The following ABCF1 variants were observed in gnomAD, a reference collection of about 807,000 sequenced individuals.
The protein encoded by ABCF1 is ATP-binding cassette sub-family F member 1.
A neutral mutation model predicts 126.3 loss-of-function variants in ABCF1; 73 were observed. That is an observed-to-expected ratio of 0.58 (90% confidence interval 0.48 to 0.70). ABCF1 has a LOEUF of 0.70. ABCF1 is among the 30% of genes least tolerant of loss of function. The pLI, the probability that ABCF1 is intolerant of heterozygous loss-of-function variation, is 0.00. For missense variants in ABCF1, 786 were observed against 1,057.5 expected (o/e 0.74, Z 3.56); for synonymous variants, 345 against 396.4 (o/e 0.87, Z 1.54).
Position 30,571,471 on chromosome 6 carries a change from C to G in ABCF1, c.-17C>G. On this transcript the variant is annotated 5_prime_UTR_variant, in exon 1 of 25. Coordinates refer to ENST00000326195, the MANE Select transcript of ABCF1 (RefSeq NM_001025091.2). ...ATAGCACCGGGCGCCGCCACAGTAG[C>G]TGTAACTGCCACCGCGATGCCGAAG... The G allele has an allele frequency of 1.2e-6, 2 of 1,606,822 alleles. No individual in the cohort carries two copies. Among genetic ancestry groups the G allele is most frequent in the Non-Finnish European group, 1.7e-6 (2 of 1,177,532 alleles).
intron 6 of ABCF1, among the ~76,000 whole-genome samples, chr6:30,578,817 T>C (rs138722870): frequency 0.022 from 3,386 of 152,128 alleles, 93 homozygotes; most frequent in East Asian, 0.068. Flanking sequence ...CTGACCAACA[T>C]GGCGAAACCT....
chr6:30,578,320 A>T, intron 4 of ABCF1, 28 bp from the exon 5 acceptor site: 1 of 1,613,844 alleles, frequency 6.2e-7, no homozygotes, highest in Non-Finnish European at 8.5e-7. Context: ...ATTCTTTCCT[A>T]TCTCATGTTC....
At chr6:30,571,649 C>T in intron 1 of ABCF1, 89 bp downstream of exon 1, 1 of 1,402,700 alleles carries the variant, frequency 7.1e-7, no homozygotes, top group Admixed American at 2.1e-5. Context: ...GGGCACGAGA[C>T]TGACCGGGCC....
At position 30,584,054 on chromosome 6, in the gene ABCF1, G is replaced by A; in HGVS notation, c.1103-138G>A. The A allele has an allele frequency of 1.4e-6, 2 of 1,415,134 alleles. No homozygotes were observed. The highest frequency in any genetic ancestry group is 1.3e-5 in the South Asian group (1 of 75,674). 87.7% of individuals were successfully genotyped at this position (1,415,134 alleles called of 1,614,324 possible). On this transcript the variant is annotated intron_variant, in intron 12 of 24. Coordinates refer to ENST00000326195, the MANE Select transcript of ABCF1 (RefSeq NM_001025091.2). This position sits in a 1 kb window ranked among gnomAD's most constrained non-coding sequence, Gnocchi z 4.6. The stretch of plus-strand genomic sequence containing the variant: ...AAGGAAAGGAGGGGAGGGTCAATGA[G>A]GAACTTGAGAGTGTTTTATTTGGAA...
chr6:30,572,218 CAACT>C (rs1422052075), intron 1 of ABCF1, among the ~76,000 whole-genome samples: 3 of 152,146 alleles, frequency 2.0e-5, no homozygotes, highest in Non-Finnish European at 4.4e-5. Context: ...TAAATGGACA[CAACT>C]AACCCCAGTA....
intron 5 of ABCF1, 42 bp downstream of exon 5, chr6:30,578,427 C>T (rs767792358): frequency 6.2e-7 from 1 of 1,613,986 alleles, no homozygotes; most frequent in South Asian, 1.1e-5. Context: ...AAGGATGCAA[C>T]CTTGACCATC....
chr6:30,586,198 A>G lies in ABCF1; in HGVS notation c.1778A>G (p.Glu593Gly), dbSNP rs745948866. Residue 593 changes from glutamate to glycine, a missense_variant, in exon 18 of 25, where the codon GAG (glutamate) becomes GGG (glycine). Physicochemically the swap from Glu to Gly is moderately conservative, Grantham distance 98. Around this residue, in one of 4 missense-constraint regions of ABCF1, gnomAD observed 288 missense variants for 423.5 expected, o/e 0.68. Coordinates refer to ENST00000326195, the MANE Select transcript of ABCF1 (RefSeq NM_001025091.2). This position sits in a 1 kb window ranked among gnomAD's most constrained non-coding sequence, Gnocchi z 4.9. ...AAATGCCGACGGAAAAACCAAGATG[A>G]GGAATCCCAGGAGGCCCCTGAGCTC... is the stretch of plus-strand genomic sequence containing the variant. ...QQKCRRKNQD[E>G]ESQEAPELLK... 3 of 1,614,010 alleles carry G rather than the reference A, an allele frequency of 1.9e-6. No homozygotes were observed. The highest frequency in any genetic ancestry group is 2.5e-6 in the Non-Finnish European group (3 of 1,179,922).
At position 30,586,152 on chromosome 6, in the gene ABCF1, G is replaced by A. The variant is rs1355026401; in HGVS notation, c.1732G>A (p.Ala578Thr). 4 of 1,612,820 alleles carry A rather than the reference G, an allele frequency of 2.5e-6. No individual in the cohort carries two copies. Among genetic ancestry groups the A allele is most frequent in the Non-Finnish European group, 3.4e-6 (4 of 1,179,580 alleles). ...TKQAEKQTKE[A>T]LTRKQQKCRR... ...TCTCCAGGAAAAACAAACGAAGGAA[G>A]CCCTGACTCGGAAGCAGCAGAAATG... is the stretch of plus-strand genomic sequence containing the variant. Residue 578 changes from alanine to threonine, a missense_variant, in exon 18 of 25, where the codon GCC (alanine) becomes ACC (threonine). Ala to Thr is a moderately conservative substitution (Grantham distance 58, BLOSUM62 0). This residue lies in a region of ABCF1 where 288 missense variants were observed against 423.5 expected (regional missense o/e 0.68). Transcript: ENST00000326195. The surrounding 1 kb of genome is among the most constrained non-coding windows in gnomAD (Gnocchi z 4.9).
intron 15 of ABCF1, 54 bp downstream of exon 15, chr6:30,585,397 C>T: frequency 6.3e-7 from 1 of 1,592,566 alleles, no homozygotes; most frequent in East Asian, 2.2e-5. Flanking sequence ...CTTCCCCTTC[C>T]CTCCCTGCCC....
chr6:30,585,738 G>GA lies in ABCF1; in HGVS notation c.1600+57dup, dbSNP rs1802084224. 2.5e-6 allele frequency: 4 copies of GA among 1,602,136 alleles called. No homozygotes were observed. In the East Asian group the frequency reaches 9.0e-5, roughly 36 times the overall value. ...GAGATAGAACCTCGAAAAGAGGCCT[G>GA]AGTGGGAGGGCCTATTTAGATAAAC... On this transcript the variant is annotated intron_variant, in intron 16 of 24. Transcript: ENST00000326195.
rs757901446 is a variant in ABCF1 at position 30,590,623 on chromosome 6, C to A, written c.2460C>A (p.Ile820=). 1.2e-6 allele frequency: 2 copies of A among 1,613,004 alleles called. No homozygotes were observed. The highest frequency in any genetic ancestry group is 1.7e-6 in the Non-Finnish European group (2 of 1,180,010). The change falls in exon 25 of 25, where the codon ATC becomes ATA. Residue 820 remains isoleucine, a synonymous_variant. Coordinates refer to ENST00000326195, the MANE Select transcript of ABCF1 (RefSeq NM_001025091.2). Reference sequence around the variant, plus strand: ...TGGAGGAGCAGAGTGTTAGCCAAATCGATGGTGACTTTGAAGACTACAAGC... The same window carrying A: ...TGGAGGAGCAGAGTGTTAGCCAAATAGATGGTGACTTTGAAGACTACAAGC... ...WVVEEQSVSQ[I]DGDFEDYKRE...
chr6:30,575,369 AT>A (rs9278733), intron 1 of ABCF1, among the ~76,000 whole-genome samples: 104,901 of 149,124 alleles, frequency 0.7, 36,938 homozygotes, highest in South Asian at 0.85. Flanking sequence ...CACCCGACCA[AT>A]TTTTTTTTTT....
chr6:30,580,122 G>A (rs1372810794), intron 7 of ABCF1, 117 bp downstream of exon 7: 30 of 948,354 alleles, frequency 3.2e-5, no homozygotes, highest in Admixed American at 5.1e-5. Context: ...CGAGGTGGGC[G>A]GATCACGAGG....
rs1428443535 is a variant in ABCF1 at position 30,571,472 on chromosome 6, T to C, written c.-16T>C. Reference sequence around the variant, plus strand: ...TAGCACCGGGCGCCGCCACAGTAGCTGTAACTGCCACCGCGATGCCGAAGG... The same window carrying C: ...TAGCACCGGGCGCCGCCACAGTAGCCGTAACTGCCACCGCGATGCCGAAGG... On this transcript the variant is annotated 5_prime_UTR_variant, in exon 1 of 25. Coordinates refer to ENST00000326195, the MANE Select transcript of ABCF1 (RefSeq NM_001025091.2). 17 of 1,607,216 alleles carry C rather than the reference T, an allele frequency of 1.1e-5. No individual in the cohort carries two copies. The highest frequency in any genetic ancestry group is 1.7e-5 in the Admixed American group (1 of 59,180).
intron 20 of ABCF1, among the ~76,000 whole-genome samples, chr6:30,589,137 T>C (rs1802305728): frequency 6.6e-6 from 1 of 152,050 alleles, no homozygotes; most frequent in South Asian, 2.1e-4. Flanking sequence ...TAGCTGGGAT[T>C]ATAGGCATGT....
chr6:30,586,301 G>T lies in ABCF1; in HGVS notation c.1881G>T (p.Leu627=). The change falls in exon 18 of 25, where the codon CTG becomes CTT. Residue 627 remains leucine, a synonymous_variant. Transcript: ENST00000326195. This position sits in a 1 kb window ranked among gnomAD's most constrained non-coding sequence, Gnocchi z 4.9. ...PPPLSPPVLG[L]HGVTFGYQGQ... ...CACTCAGCCCTCCAGTGCTGGGTCT[G>T]CATGGTGAGTGCCGCGGGCCTCTGC... 1 of 1,606,312 alleles carries T rather than the reference G, an allele frequency of 6.2e-7. No homozygotes were observed. The highest frequency in any genetic ancestry group is 2.2e-5 in the East Asian group (1 of 44,794).
chr6:30,578,259 C>G (rs1414646764), intron 4 of ABCF1, 57 bp downstream of exon 4: 7 of 1,613,424 alleles, frequency 4.3e-6, no homozygotes, highest in Non-Finnish European at 5.9e-6. Context: ...GAGAGTGATA[C>G]CTCATACCCT....
rs750640124 is a variant in ABCF1, at chr6:30,578,401, G to C, written c.381+16G>C. The C allele has an allele frequency of 6.2e-7, 1 of 1,613,972 alleles. No homozygotes were observed. Among genetic ancestry groups the C allele is most frequent in the Admixed American group, 1.7e-5 (1 of 59,980 alleles). ...GAAAACCAAGGTAAGCCATCTGTGT[G>C]GTAAACGGAGACTCCAAGGATGCAA... is the stretch of plus-strand genomic sequence containing the variant. On this transcript the variant is annotated intron_variant, in intron 5 of 24. Coordinates refer to ENST00000326195, the MANE Select transcript of ABCF1 (RefSeq NM_001025091.2).
chr6:30,577,271 A>C, intron 1 of ABCF1, 138 bp from the exon 2 acceptor site: 1 of 731,904 alleles, frequency 1.4e-6, no homozygotes, highest in Non-Finnish European at 2.2e-6. Context: ...GTTGTGAGAC[A>C]GTACAAATAT....
Sources: gnomAD v4.1 joint callset for allele counts (sites outside exome capture counted in the v4.1 genomes callset) on GRCh38, gnomAD v4.1.1 for gene constraint, gnomAD v4.1.1 regional missense constraint, Gnocchi (gnomAD v3.1) non-coding constraint, MANE v1.5 for transcripts, NCBI Gene and HGNC (gene_info 2026-07-23, HGNC 2026-07-21) for gene names.